Variants in ARHGAP39 observed in about 807,000 individuals in gnomAD.
The protein encoded by ARHGAP39 is rho GTPase-activating protein 39.
Under a neutral mutation model 106.9 loss-of-function variants are expected in ARHGAP39, and 44 were observed. The ratio of observed to expected loss-of-function variants is 0.41; its 90% CI spans 0.32 to 0.53. The LOEUF (loss-of-function observed/expected upper bound fraction) is 0.53, where lower values mean the gene tolerates loss of function less well. Among genes scored for constraint, ARHGAP39 ranks in the 20% least tolerant of loss-of-function variants. ARHGAP39 has a pLI of 0.21. For missense variants in ARHGAP39, 1,496 were observed against 1,577.3 expected, an observed-to-expected ratio of 0.95 and a Z score of 0.87; for synonymous variants, 768 against 693.2, an observed-to-expected ratio of 1.11 and a Z score of -1.69.
chr8:144,615,858 C>T (rs1037647626), intron 1 of ARHGAP39, among the ~76,000 whole-genome samples: 3 of 152,268 alleles, frequency 2.0e-5, no homozygotes, highest in Non-Finnish European at 2.9e-5. Context: ...AGGACAGGCA[C>T]GTCCGGCATT....
chr8:144,607,637 T>C (rs923229759), intron 1 of ARHGAP39, among the ~76,000 whole-genome samples: 3 of 151,574 alleles, frequency 2.0e-5, no homozygotes, highest in African/African-American at 7.3e-5. Flanking sequence ...TAAAAAAGAC[T>C]CAAGCCCCAG....
rs548922220 is a variant in ARHGAP39, at chr8:144,660,505, C to T, written c.-82+25181G>A. On this transcript the variant is annotated intron_variant, in intron 1 of 11. Coordinates refer to ENST00000377307, the MANE Select transcript of ARHGAP39 (RefSeq NM_025251.3). ...TGTGCAACACACTAGTCACTTGTCA[C>T]TATGCTTAAAGTAAAGTTGAGTAAT... 8.8e-4 allele frequency among the ~76,000 whole-genome samples: 134 copies of T among 152,276 alleles called. 2 individuals carry two copies. The highest frequency in any genetic ancestry group is 4.7e-4 in the Non-Finnish European group (32 of 68,036).
intron 1 of ARHGAP39, among the ~76,000 whole-genome samples, chr8:144,677,927 A>T (rs931303986): frequency 6.6e-6 from 1 of 152,216 alleles, no homozygotes; most frequent in African/African-American, 2.4e-5. Context: ...AGACATTTAC[A>T]CTTAGGAAAG....
At chr8:144,581,978 A>T (rs1819009012) in intron 2 of ARHGAP39, among the ~76,000 whole-genome samples, 1 of 151,346 alleles carries the variant, frequency 6.6e-6, no homozygotes, top group African/African-American at 2.5e-5. Flanking sequence ...CCATGGACCC[A>T]TGCATCCGTC....
intron 1 of ARHGAP39, among the ~76,000 whole-genome samples, chr8:144,676,942 G>A (rs1282343862): frequency 1.3e-5 from 2 of 152,220 alleles, no homozygotes; most frequent in Non-Finnish European, 2.9e-5. Context: ...GCTAATTTTT[G>A]TACTTTTAGT....
At chr8:144,601,725 C>T (rs571827114) in intron 2 of ARHGAP39, among the ~76,000 whole-genome samples, 8 of 108,402 alleles carry the variant, frequency 7.4e-5, no homozygotes, top group African/African-American at 2.9e-4. Flanking sequence ...GCTCATGTAC[C>T]TGTGTGTGTG....
chr8:144,547,823 G>C lies in ARHGAP39; in HGVS notation c.1263C>G (p.Asn421Lys). 1 of 1,591,508 alleles carries C rather than the reference G, an allele frequency of 6.3e-7. No homozygotes were observed. Among genetic ancestry groups the C allele is most frequent in the Non-Finnish European group, 8.5e-7 (1 of 1,171,006 alleles). Residue 421 changes from asparagine to lysine, a missense_variant, in exon 5 of 12, where the codon AAC (asparagine) becomes AAG (lysine). This residue lies in a region of ARHGAP39 where 905 missense variants were observed against 816.4 expected (regional missense o/e 1.11). Coordinates refer to ENST00000377307, the MANE Select transcript of ARHGAP39 (RefSeq NM_025251.3). The surrounding 1 kb of genome is among the most constrained non-coding windows in gnomAD (Gnocchi z 5.2). ...GCAAGGAGTACGAACCACCGCCGGG[G>C]TTGGGCGCGTACTTGTGCCGCGGGC... ...RAGPRHKYAP[N>K]PGGGSYSLQP...
At position 144,577,242 on chromosome 8, in the gene ARHGAP39, A is replaced by G. The variant is rs201669369; in HGVS notation, c.512+3604T>C. ...GTTCCTCTGTTTTTCAAAAGCACACAGATGCTGCTGTGACAACCGGAATAC... is the reference window on the plus strand; with the variant it reads ...GTTCCTCTGTTTTTCAAAAGCACACGGATGCTGCTGTGACAACCGGAATAC... On this transcript the variant is annotated intron_variant, in intron 3 of 11. Coordinates refer to ENST00000377307, the MANE Select transcript of ARHGAP39 (RefSeq NM_025251.3). 1.2e-4 allele frequency among the ~76,000 whole-genome samples: 19 copies of G among 152,352 alleles called. No homozygotes were observed. In the East Asian group the frequency reaches 3.5e-3, roughly 28 times the overall value.
At position 144,545,315 on chromosome 8, in the gene ARHGAP39, G is replaced by A; in HGVS notation, c.2455C>T (p.Pro819Ser). ...CCTTCCAGGTAGGAGTGGAACTTGGGGGTGGGCGGGAAAAAGGCCAGGCAG... is the reference window on the plus strand; with the variant it reads ...CCTTCCAGGTAGGAGTGGAACTTGGAGGTGGGCGGGAAAAAGGCCAGGCAG... ...AICLAFFPPT[P>S]KFHSYLEGYI... Residue 819 changes from proline (P) to serine (S), a missense_variant, in exon 6 of 12, where the codon CCC (proline) becomes TCC (serine). Physicochemically the swap from Pro to Ser is moderately conservative, Grantham distance 74. This residue lies in a region of ARHGAP39 where 470 missense variants were observed against 605.1 expected (regional missense o/e 0.78). Transcript: ENST00000377307. 1 of 1,592,020 alleles carries A rather than the reference G, an allele frequency of 6.3e-7. No individual in the cohort carries two copies. The highest frequency in any genetic ancestry group is 8.6e-7 in the Non-Finnish European group (1 of 1,165,158).
chr8:144,529,264 A>G lies in ARHGAP39; in HGVS notation c.*1158T>C. On this transcript the variant is annotated 3_prime_UTR_variant, in exon 12 of 12. Transcript: ENST00000377307. Reference sequence around the variant, plus strand: ...GAGCGTCTCAGCCGGGCGGGACCGCAAAGGCCCCGGGACCACCCGACTGAG... The same window carrying G: ...GAGCGTCTCAGCCGGGCGGGACCGCGAAGGCCCCGGGACCACCCGACTGAG... The G allele has an allele frequency of 4.6e-6, 1 of 217,852 alleles. No individual in the cohort carries two copies. Among genetic ancestry groups the G allele is most frequent in the East Asian group, 1.0e-4 (1 of 10,046 alleles). The allele number at this position is 217,852 out of a possible 1,614,324, so 13.5% of individuals were successfully genotyped here. A position where few individuals can be genotyped will look rare whatever the true frequency, so the allele number is the denominator to read the frequency against.
upstream of ARHGAP39, among the ~76,000 whole-genome samples, chr8:144,690,276 A>C (rs1003002870): frequency 6.6e-6 from 1 of 151,328 alleles, no homozygotes; most frequent in African/African-American, 2.4e-5. Context: ...CCATGCCCAG[A>C]TAATTTTTGT....
chr8:144,546,989 C>A, intron 5 of ARHGAP39, 138 bp downstream of exon 5: 1 of 1,143,542 alleles, frequency 8.7e-7, no homozygotes, highest in Non-Finnish European at 1.2e-6. Flanking sequence ...CCCAGGGCCC[C>A]GGAGACACGG....
At chr8:144,595,937 C>T (rs1204182397) in intron 2 of ARHGAP39, among the ~76,000 whole-genome samples, 1 of 152,170 alleles carries the variant, frequency 6.6e-6, no homozygotes, top group Admixed American at 6.5e-5. Context: ...CGCTGCTCCT[C>T]TTTCTATCCT....
At chr8:144,657,142 C>G (rs986541238) in intron 1 of ARHGAP39, among the ~76,000 whole-genome samples, 4 of 151,790 alleles carry the variant, frequency 2.6e-5, no homozygotes, top group Non-Finnish European at 5.9e-5. Flanking sequence ...GCCTGTAATT[C>G]CAGCACTTTT....
intron 1 of ARHGAP39, among the ~76,000 whole-genome samples, chr8:144,658,719 C>CT (rs1413514155): frequency 2.0e-5 from 3 of 152,042 alleles, no homozygotes; most frequent in Non-Finnish European, 4.4e-5. Flanking sequence ...CCTCACTACT[C>CT]TAACATGACA....
At chr8:144,598,061 G>C (rs1314571042) in intron 2 of ARHGAP39, among the ~76,000 whole-genome samples, 1 of 152,246 alleles carries the variant, frequency 6.6e-6, no homozygotes, top group Non-Finnish European at 1.5e-5. Flanking sequence ...AGCAGGGAAG[G>C]AGAGTCCGGC....
chr8:144,622,780 T>C (rs369188978), intron 1 of ARHGAP39, among the ~76,000 whole-genome samples: 1 of 152,338 alleles, frequency 6.6e-6, no homozygotes, highest in East Asian at 1.9e-4. Context: ...AGCAGGAACC[T>C]GGAAAAAGGA....
At chr8:144,598,525 G>C (rs764657979) in intron 2 of ARHGAP39, among the ~76,000 whole-genome samples, 17 of 152,354 alleles carry the variant, frequency 1.1e-4, no homozygotes, top group Non-Finnish European at 2.4e-4. Context: ...CGGGGCATGA[G>C]AGAAGGCACA....
At chr8:144,566,385 A>T (rs1023044781) in intron 3 of ARHGAP39, among the ~76,000 whole-genome samples, 1 of 152,058 alleles carries the variant, frequency 6.6e-6, no homozygotes, top group African/African-American at 2.4e-5. Flanking sequence ...GCAACATGGT[A>T]AAACCCCATC....
Sources: gnomAD v4.1 joint callset for allele counts (sites outside exome capture counted in the v4.1 genomes callset) on GRCh38, gnomAD v4.1.1 for gene constraint, gnomAD v4.1.1 regional missense constraint, Gnocchi (gnomAD v3.1) non-coding constraint, MANE v1.5 for transcripts, NCBI Gene and HGNC (gene_info 2026-07-23, HGNC 2026-07-21) for gene names.